Variants in CHFR observed in about 807,000 individuals in gnomAD.
The protein encoded by CHFR is E3 ubiquitin-protein ligase CHFR.
In CHFR, 57 loss-of-function variants were observed where a neutral mutation model predicts 87.6. That is an observed-to-expected ratio of 0.65 (90% CI 0.53 to 0.81). CHFR has a LOEUF of 0.81. Among genes scored for constraint, CHFR ranks in the 30% least tolerant of loss-of-function variants. The pLI, the probability that CHFR is intolerant of heterozygous loss-of-function variation, is 0.00. For synonymous variants in CHFR, 381 were observed against 359.2 expected (o/e 1.06, Z -0.69); for missense variants, 797 against 865.8 (o/e 0.92, Z 1.00).
chr12:132,887,430 C>T (rs1951926614), intron 1 of CHFR, 90 bp from the exon 2 acceptor site: 1 of 1,034,686 alleles, frequency 9.7e-7, no homozygotes, highest in Non-Finnish European at 1.2e-6. Context: ...CCGGCCCGGC[C>T]GCCCGCGCCC....
chr12:132,865,373 T>A (rs1951310435), intron 6 of CHFR, among the ~76,000 whole-genome samples: 1 of 152,068 alleles, frequency 6.6e-6, no homozygotes, highest in Non-Finnish European at 1.5e-5. Context: ...TTTTCTTTTT[T>A]TTTTTGAGAC....
rs1242080706 is a variant in CHFR, at chr12:132,835,596, G to T, written c.*5958C>A. 1.1e-5 allele frequency: 2 copies of T among 179,050 alleles called. No individual in the cohort carries two copies. The highest frequency in any genetic ancestry group is 3.7e-4 in the East Asian group (2 of 5,424). 11.1% of individuals were successfully genotyped at this position (179,050 alleles called of 1,614,324 possible). A position where few individuals can be genotyped will look rare whatever the true frequency, so the allele number is the denominator to read the frequency against. ...AGAAGATGACGTGAGAACTCAAGGA[G>T]ATGCTGCCCACGAGCCAAGGAGACA... On this transcript the variant is annotated 3_prime_UTR_variant, in exon 18 of 18. Transcript: ENST00000450056.
chr12:132,878,999 G>GC (rs1220656256), intron 2 of CHFR, among the ~76,000 whole-genome samples: 7 of 124,862 alleles, frequency 5.6e-5, no homozygotes, highest in African/African-American at 2.1e-4. Context: ...TTTTTTTTTT[G>GC]TTTTTGTTTG....
intron 14 of CHFR, 66 bp downstream of exon 14, chr12:132,848,019 G>C (rs1229603069): frequency 4.3e-6 from 7 of 1,611,754 alleles, no homozygotes; most frequent in Non-Finnish European, 2.5e-6. Context: ...AGAATGCAGA[G>C]AACCAGCTGG....
intron 3 of CHFR, among the ~76,000 whole-genome samples, chr12:132,876,450 ATGAAAATATTC>A (rs1459193404): frequency 6.6e-6 from 1 of 152,234 alleles, no homozygotes; most frequent in African/African-American, 2.4e-5. Context: ...GGTAAGTATA[ATGAAAATATTC>A]TAAAATCTGA....
chr12:132,870,124 G>A (rs1015878340), intron 5 of CHFR, among the ~76,000 whole-genome samples: 4 of 151,868 alleles, frequency 2.6e-5, no homozygotes, highest in African/African-American at 7.2e-5. Context: ...AGGCTGAGGC[G>A]GGTAGATCAC....
intron 10 of CHFR, 114 bp downstream of exon 10, chr12:132,856,353 CA>C: frequency 8.8e-7 from 1 of 1,132,716 alleles, no homozygotes; most frequent in Non-Finnish European, 1.3e-6. Flanking sequence ...CTTGGCTGCT[CA>C]GGGCAGAACT....
chr12:132,878,933 T>C (rs946309441), intron 2 of CHFR, among the ~76,000 whole-genome samples: 3 of 151,534 alleles, frequency 2.0e-5, no homozygotes, highest in South Asian at 2.1e-4. Context: ...CAACATAAAA[T>C]TGAAGCAATG....
At chr12:132,851,413 G>A (rs1038383805) in intron 12 of CHFR, among the ~76,000 whole-genome samples, 1 of 152,194 alleles carries the variant, frequency 6.6e-6, no homozygotes, top group African/African-American at 2.4e-5. Context: ...GGATGGAGAT[G>A]TAGCCTGTGA....
rs1316752747 is a variant in CHFR, at chr12:132,834,683, T to C, written c.*6871A>G. The C allele has an allele frequency of 6.7e-5, 10 of 148,912 alleles. No individual in the cohort carries two copies. In the East Asian group the frequency reaches 1.8e-3, roughly 27 times the overall value. The allele number at this position is 148,912 out of a possible 1,614,324, so 9.2% of individuals were successfully genotyped here. On this transcript the variant is annotated 3_prime_UTR_variant, in exon 18 of 18. Transcript: ENST00000450056. ...CCCACCTCTTCTCTGTCACCAAGCC[T>C]CCTCTTCCTGCCTTTGACTTCTTGC... is the stretch of plus-strand genomic sequence containing the variant.
At chr12:132,871,477 A>AT (rs1037802274) in intron 4 of CHFR, among the ~76,000 whole-genome samples, 139 of 146,476 alleles carry the variant, frequency 9.5e-4, no homozygotes, top group African/African-American at 3.4e-3. Context: ...AAAAAATTAA[A>AT]TAAATAAGTA....
intron 14 of CHFR, 146 bp downstream of exon 14, chr12:132,847,939 C>A: frequency 6.7e-7 from 1 of 1,502,638 alleles, no homozygotes. Flanking sequence ...CAGCTGGCTG[C>A]ACCAGTGAGG....
intron 16 of CHFR, among the ~76,000 whole-genome samples, chr12:132,843,387 C>T (rs1267569622): frequency 6.6e-6 from 1 of 152,040 alleles, no homozygotes; most frequent in Non-Finnish European, 1.5e-5. Context: ...GATCACACCA[C>T]TGCACTTCAG....
chr12:132,858,004 G>A (rs1174741588), intron 8 of CHFR, among the ~76,000 whole-genome samples: 1 of 152,216 alleles, frequency 6.6e-6, no homozygotes, highest in Non-Finnish European at 1.5e-5. Context: ...CAAAACTTGT[G>A]GGGTCTACAG....
intron 12 of CHFR, 122 bp from the exon 13 acceptor site, chr12:132,848,846 G>A (rs1409613210): frequency 5.5e-6 from 4 of 721,732 alleles, no homozygotes; most frequent in Non-Finnish European, 9.2e-6. Context: ...GGGGTCTCAT[G>A]GAAATCGGGG....
intron 17 of CHFR, among the ~76,000 whole-genome samples, chr12:132,842,675 A>G (rs759805140): frequency 2.0e-5 from 3 of 152,344 alleles, no homozygotes; most frequent in East Asian, 3.9e-4. Context: ...ACGGACGAGA[A>G]CCCAGCTGTG....
At chr12:132,846,977 A>C in intron 15 of CHFR, 66 bp downstream of exon 15, 6 of 1,137,876 alleles carry the variant, frequency 5.3e-6, no homozygotes, top group Non-Finnish European at 8.0e-6. Flanking sequence ...CTGGGAGAGC[A>C]GACACGCAGG....
At position 132,837,680 on chromosome 12, in the gene CHFR, C is replaced by T. The variant is rs892309601; in HGVS notation, c.*3874G>A. 6.6e-6 allele frequency: 1 copy of T among 152,328 alleles called. No individual in the cohort carries two copies. The highest frequency in any genetic ancestry group is 1.5e-5 in the Non-Finnish European group (1 of 68,120). 9.4% of individuals were successfully genotyped at this position (152,328 alleles called of 1,614,324 possible). On this transcript the variant is annotated 3_prime_UTR_variant, in exon 18 of 18. Coordinates refer to ENST00000450056, the MANE Select transcript of CHFR (RefSeq NM_001161346.2). ...GGAGGTGGCTCCCCCGAAGATCACC[C>T]GGCTCCGTCCTGCTGCTGGTCAGCG...
rs1466544467 is a variant in CHFR at position 132,857,535 on chromosome 12, G to A, written c.936C>T (p.Phe312=). 1 of 1,614,130 alleles carries A rather than the reference G, an allele frequency of 6.2e-7. No individual in the cohort carries two copies. Among genetic ancestry groups the A allele is most frequent in the South Asian group, 1.1e-5 (1 of 91,086 alleles). Residue 312 remains phenylalanine (F), a synonymous_variant, in exon 9 of 18, where the codon TTC becomes TTT. Transcript: ENST00000450056. ...CVSLQPCMHT[F]CAACYSGWME... ...TCCAGCCCGAGTAGCAAGCCGCGCAGAACGTGTGCATGCAGGGCTGCAAAC... is the reference window on the plus strand; with the variant it reads ...TCCAGCCCGAGTAGCAAGCCGCGCAAAACGTGTGCATGCAGGGCTGCAAAC...
Sources: allele counts gnomAD v4.1 joint callset (sites outside exome capture counted in the v4.1 genomes callset), GRCh38; gene constraint gnomAD v4.1.1; transcripts MANE v1.5; gene names NCBI Gene and HGNC (gene_info 2026-07-23, HGNC 2026-07-21).